KCNIP1: variants seen among roughly 807,000 people sequenced by gnomAD.
KCNIP1 encodes the protein A-type potassium channel modulatory protein KCNIP1.
A neutral mutation model predicts 33.0 loss-of-function variants in KCNIP1; 18 were observed. The observed-to-expected ratio is 0.55, with a 90% CI of 0.38 to 0.81. KCNIP1 has a LOEUF of 0.81. Among genes scored for constraint, KCNIP1 ranks in the 30% least tolerant of loss-of-function variants. KCNIP1 has a pLI of 0.00. For synonymous variants in KCNIP1, 93 were observed against 98.3 expected (o/e 0.95, Z 0.32); for missense variants, 238 against 271.6 (o/e 0.88, Z 0.87).
At chr5:170,720,881 A>G (rs1763796703) in intron 3 of KCNIP1, among the ~76,000 whole-genome samples, 1 of 152,270 alleles carries the variant, frequency 6.6e-6, no homozygotes, top group Admixed American at 6.5e-5. Flanking sequence ...GACTATAAAA[A>G]TAAACTAATT....
In KCNIP1 at chr5:170,653,867, T is replaced by C. The variant is rs147372851; in HGVS notation, c.62-64891T>C. 1.5e-3 allele frequency among the ~76,000 whole-genome samples: 231 copies of C among 152,128 alleles called. 1 individual carries two copies. Among genetic ancestry groups the C allele is most frequent in the African/African-American group, 5.3e-3 (218 of 41,512 alleles). ...CCACTCCCACCCTGGGCCAAGCAACTGGTGGCCAGGAGGAGCTCATATTGC... is the reference window on the plus strand; with the variant it reads ...CCACTCCCACCCTGGGCCAAGCAACCGGTGGCCAGGAGGAGCTCATATTGC... On this transcript the variant is annotated intron_variant, in intron 1 of 7. Coordinates refer to ENST00000328939, the MANE Select transcript of KCNIP1 (RefSeq NM_014592.4).
chr5:170,732,514 T>C (rs1416514580), intron 5 of KCNIP1, among the ~76,000 whole-genome samples: 1 of 152,158 alleles, frequency 6.6e-6, no homozygotes, highest in Non-Finnish European at 1.5e-5. Context: ...AGCCTGTGAA[T>C]GGGGATCCCA....
At chr5:170,672,344 T>G (rs557892950) in intron 1 of KCNIP1, among the ~76,000 whole-genome samples, 1 of 152,324 alleles carries the variant, frequency 6.6e-6, no homozygotes, top group East Asian at 1.9e-4. Flanking sequence ...TATGGAGAAC[T>G]CCCTCTCGAA....
intron 1 of KCNIP1, among the ~76,000 whole-genome samples, chr5:170,402,847 T>G (rs1007528919): frequency 3.9e-5 from 6 of 152,318 alleles, no homozygotes; most frequent in African/African-American, 1.4e-4. Context: ...TTATTCTTCA[T>G]TCATGTAATT....
chr5:170,386,479 C>T (rs920446422), intron 1 of KCNIP1, among the ~76,000 whole-genome samples: 1 of 152,134 alleles, frequency 6.6e-6, no homozygotes, highest in Non-Finnish European at 1.5e-5. Context: ...AGTCATAGGT[C>T]CCATGCGGTG....
intron 1 of KCNIP1, among the ~76,000 whole-genome samples, chr5:170,391,003 T>C (rs1233861268): frequency 1.3e-5 from 2 of 152,094 alleles, no homozygotes; most frequent in African/African-American, 4.8e-5. Context: ...CCTTTCCTAA[T>C]TGAATCTTAT....
At chr5:170,534,938 G>T (rs770330741) in intron 1 of KCNIP1, among the ~76,000 whole-genome samples, 39 of 151,880 alleles carry the variant, frequency 2.6e-4, no homozygotes, top group South Asian at 1.7e-3. Context: ...TGGTTGCCTC[G>T]GTTTCCCAGA....
Position 170,385,550 on chromosome 5 carries a change from G to A in KCNIP1, c.88+31586G>A, listed in dbSNP as rs1581135692. The A allele has an allele frequency of 3.1e-6, 4 of 1,296,460 alleles. No homozygotes were observed. The East Asian group carries it at 7.1e-5, about 23-fold the overall frequency. 80.3% of individuals were successfully genotyped at this position (1,296,460 alleles called of 1,614,324 possible). On this transcript the variant is annotated intron_variant, in intron 1 of 7. Transcript: ENST00000377360. ...ACAGAAAGAGAGGACAGGTGAGAGG[G>A]GAAGGTACTCAACTATTAATATCAC... is the stretch of plus-strand genomic sequence containing the variant.
At chr5:170,413,627 G>C (rs546939493) in intron 1 of KCNIP1, among the ~76,000 whole-genome samples, 11 of 152,274 alleles carry the variant, frequency 7.2e-5, no homozygotes, top group African/African-American at 2.2e-4. Flanking sequence ...TTTGGAAGCT[G>C]CAAAGCATCA....
intron 1 of KCNIP1, among the ~76,000 whole-genome samples, chr5:170,567,355 A>G (rs992948721): frequency 2.0e-5 from 3 of 152,196 alleles, no homozygotes; most frequent in Non-Finnish European, 4.4e-5. Flanking sequence ...ATGAGTGAGA[A>G]GGTGGATACA....
intron 1 of KCNIP1, among the ~76,000 whole-genome samples, chr5:170,633,011 T>C (rs1760119475): frequency 6.6e-6 from 1 of 152,200 alleles, no homozygotes; most frequent in Non-Finnish European, 1.5e-5. Context: ...CGAGGAATAA[T>C]TGTGAATTCC....
intron 1 of KCNIP1, among the ~76,000 whole-genome samples, chr5:170,677,073 G>T (rs935725170): frequency 6.6e-6 from 1 of 152,054 alleles, no homozygotes; most frequent in Non-Finnish European, 1.5e-5. Context: ...TTGTCCATGG[G>T]GCCCAGCTGA....
intron 1 of KCNIP1, among the ~76,000 whole-genome samples, chr5:170,707,703 C>T (rs949431522): frequency 6.6e-6 from 1 of 152,046 alleles, no homozygotes; most frequent in African/African-American, 2.4e-5. Context: ...AAAGATCTGT[C>T]TACTGAAATA....
rs1764003960 is a variant in KCNIP1, at chr5:170,376,349, G to C, written c.88+22385G>C. On this transcript the variant is annotated intron_variant, in intron 1 of 7. Coordinates refer to the KCNIP1 transcript ENST00000377360. ...CTATGATTTTTTCTATTTTTTAGTA[G>C]AGACAGGGTTTCACCGTGTTAGCCA... 4 of 151,500 alleles carry C rather than the reference G, an allele frequency of 2.6e-5. No individual in the cohort carries two copies. The South Asian group carries it at 8.4e-4, about 32-fold the overall frequency. The allele number at this position is 151,500 out of a possible 1,614,324, so 9.4% of individuals were successfully genotyped here. A position where few individuals can be genotyped will look rare whatever the true frequency, so the allele number is the denominator to read the frequency against.
chr5:170,493,256 C>A (rs905922088), intron 1 of KCNIP1, among the ~76,000 whole-genome samples: 1 of 152,204 alleles, frequency 6.6e-6, no homozygotes, highest in Non-Finnish European at 1.5e-5. Flanking sequence ...GTGGCTCTGG[C>A]AGCTTGCACA....
At chr5:170,607,466 G>A (rs1453547782) in intron 1 of KCNIP1, among the ~76,000 whole-genome samples, 1 of 152,138 alleles carries the variant, frequency 6.6e-6, no homozygotes, top group African/African-American at 2.4e-5. Flanking sequence ...CTTCTACAGT[G>A]ACCCTTAGAG....
rs115329252 is a variant in KCNIP1 at position 170,491,135 on chromosome 5, C to T, written c.88+137171C>T. Among the ~76,000 whole-genome samples, 807 of 152,214 alleles carry T rather than the reference C, an allele frequency of 5.3e-3. 10 individuals are homozygous for T. The highest frequency in any genetic ancestry group is 0.018 in the African/African-American group (748 of 41,504). Reference sequence around the variant, plus strand: ...GTTTGCTTACCTATCACTGTCAGTCCGGACCTCCCCTCCCTCTGAGAATGA... The same window carrying T: ...GTTTGCTTACCTATCACTGTCAGTCTGGACCTCCCCTCCCTCTGAGAATGA... On this transcript the variant is annotated intron_variant, in intron 1 of 7. Coordinates refer to the KCNIP1 transcript ENST00000377360.
At chr5:170,367,798 C>T (rs1763733719) in intron 1 of KCNIP1, among the ~76,000 whole-genome samples, 1 of 152,238 alleles carries the variant, frequency 6.6e-6, no homozygotes, top group African/African-American at 2.4e-5. Flanking sequence ...CCCTTTCTGA[C>T]TCCTCCACAC....
At chr5:170,582,438 G>T (rs1231480869) in intron 1 of KCNIP1, among the ~76,000 whole-genome samples, 1 of 152,182 alleles carries the variant, frequency 6.6e-6, no homozygotes, top group African/African-American at 2.4e-5. Flanking sequence ...ACATTTAGCA[G>T]TTGCTCAATA....
Sources: allele counts gnomAD v4.1 joint callset (sites outside exome capture counted in the v4.1 genomes callset), GRCh38; gene constraint gnomAD v4.1.1; transcripts MANE v1.5; gene names NCBI Gene and HGNC (gene_info 2026-07-23, HGNC 2026-07-21).